Variants in PAK5 observed in about 807,000 individuals in gnomAD.
PAK5 encodes the protein serine/threonine-protein kinase PAK 5.
In PAK5, 16 loss-of-function variants were observed where a neutral mutation model predicts 65.9. That is an observed-to-expected ratio of 0.24 (90% CI 0.16 to 0.37). The LOEUF (loss-of-function observed/expected upper bound fraction) is 0.37, where lower values mean the gene tolerates loss of function less well. Ranked by LOEUF, PAK5 falls within the 10% of genes least tolerant of loss-of-function variation. The pLI is 1.00. For missense variants in PAK5, 785 were observed against 903.9 expected, an observed-to-expected ratio of 0.87 and a Z score of 1.69; for synonymous variants, 371 against 354.9, an observed-to-expected ratio of 1.05 and a Z score of -0.51.
At chr20:9,805,792 A>C (rs934299872) in intron 1 of PAK5, among the ~76,000 whole-genome samples, 2 of 152,176 alleles carry the variant, frequency 1.3e-5, no homozygotes, top group African/African-American at 4.8e-5. Flanking sequence ...GATTATAGAA[A>C]ATGTTCTAAA....
chr20:9,540,813 T>A (rs1355963034), intron 9 of PAK5, among the ~76,000 whole-genome samples: 1 of 151,740 alleles, frequency 6.6e-6, no homozygotes. Context: ...CTGGGCTCAC[T>A]GCAAGCTCTG....
rs114452440 is a variant in PAK5, at chr20:9,658,523, G to A, written c.-11-14184C>T. ...AAACAATGAAAGCTATAAGACCAACGCAGATTCAATGGGTGGGGAAATTAG... is the reference window on the plus strand; with the variant it reads ...AAACAATGAAAGCTATAAGACCAACACAGATTCAATGGGTGGGGAAATTAG... On this transcript the variant is annotated intron_variant, in intron 2 of 9. Coordinates refer to ENST00000353224, the MANE Select transcript of PAK5 (RefSeq NM_177990.4). 7.4e-3 allele frequency among the ~76,000 whole-genome samples: 1,134 copies of A among 152,252 alleles called. 16 individuals are homozygous for A. Among genetic ancestry groups the A allele is most frequent in the African/African-American group, 0.025 (1,036 of 41,546 alleles).
intron 1 of PAK5, among the ~76,000 whole-genome samples, chr20:9,822,290 C>CAAAAAAA (rs34256527): frequency 8.6e-6 from 1 of 116,716 alleles, no homozygotes. Flanking sequence ...AGATCTGTCT[C>CAAAAAAA]AAAAAAAAAA....
chr20:9,824,534 T>C, intron 1 of PAK5, among the ~76,000 whole-genome samples: 1 of 152,138 alleles, frequency 6.6e-6, no homozygotes, highest in Non-Finnish European at 1.5e-5. Context: ...AACTTGAGGG[T>C]CTTTGCAGGA....
chr20:9,775,080 G>T (rs1225583726), intron 1 of PAK5, among the ~76,000 whole-genome samples: 1 of 152,180 alleles, frequency 6.6e-6, no homozygotes, highest in Non-Finnish European at 1.5e-5. Flanking sequence ...GATGACAAAA[G>T]TCAGATCAGT....
intron 1 of PAK5, among the ~76,000 whole-genome samples, chr20:9,774,431 G>T (rs923448948): frequency 1.3e-5 from 2 of 152,168 alleles, no homozygotes; most frequent in Non-Finnish European, 2.9e-5. Context: ...GCTGATGGGA[G>T]TATAAAAATA....
At chr20:9,722,251 G>A (rs1215811211) in intron 1 of PAK5, among the ~76,000 whole-genome samples, 1 of 152,110 alleles carries the variant, frequency 6.6e-6, no homozygotes, top group Non-Finnish European at 1.5e-5. Context: ...CAAATGTCCT[G>A]AGGTTATCAA....
At chr20:9,701,914 T>C (rs13038104) in intron 2 of PAK5, among the ~76,000 whole-genome samples, 19,197 of 152,012 alleles carry the variant, frequency 0.13, 1,632 homozygotes, top group Non-Finnish European at 0.18. Context: ...ATAGGAGGAC[T>C]GCTTGAGCCC....
intron 1 of PAK5, among the ~76,000 whole-genome samples, chr20:9,746,900 G>T (rs1432903768): frequency 6.6e-6 from 1 of 152,198 alleles, no homozygotes; most frequent in African/African-American, 2.4e-5. Flanking sequence ...CCAGGAGCTG[G>T]TTTTTTGAAA....
rs2045911849 is a variant in PAK5, at chr20:9,577,770, A to G, written c.990+2375T>C. 3 of 152,352 alleles carry G rather than the reference A, an allele frequency of 2.0e-5. No homozygotes were observed. The South Asian group carries it at 6.2e-4, about 32-fold the overall frequency. 9.4% of individuals were successfully genotyped at this position (152,352 alleles called of 1,614,324 possible). On this transcript the variant is annotated intron_variant, in intron 4 of 9. Coordinates refer to ENST00000353224, the MANE Select transcript of PAK5 (RefSeq NM_177990.4). The stretch of plus-strand genomic sequence containing the variant: ...ACGAGTTTCCTGTGAAACATGGAGC[A>G]GCAGCTTGCTTCTTTGTATTTCTGA...
chr20:9,640,452 A>C (rs984872297), intron 3 of PAK5, among the ~76,000 whole-genome samples: 2 of 151,992 alleles, frequency 1.3e-5, no homozygotes, highest in Non-Finnish European at 2.9e-5. Context: ...TTCTTGATCC[A>C]GTCTATCATT....
intron 3 of PAK5, among the ~76,000 whole-genome samples, chr20:9,627,504 C>T (rs1306486045): frequency 6.6e-6 from 1 of 152,208 alleles, no homozygotes; most frequent in African/African-American, 2.4e-5. Flanking sequence ...AGCACTGCAG[C>T]AGCCTGCAGG....
At position 9,580,800 on chromosome 20, in the gene PAK5, G is replaced by T; in HGVS notation, c.335C>A (p.Ala112Asp). The T allele has an allele frequency of 6.2e-7, 1 of 1,613,956 alleles. No individual in the cohort carries two copies. Among genetic ancestry groups the T allele is most frequent in the South Asian group, 1.1e-5 (1 of 91,060 alleles). Residue 112 changes from alanine (A) to aspartate (D), a missense_variant, in exon 4 of 10, where the codon GCC becomes GAC. Ala to Asp is a moderately radical substitution (Grantham distance 126). Around this residue, in one of 4 missense-constraint regions of PAK5, gnomAD observed 422 missense variants for 413.3 expected, o/e 1.02. Coordinates refer to ENST00000353224, the MANE Select transcript of PAK5 (RefSeq NM_177990.4). ...KESPPTPDQGASSHGPGHAEE... is the reference protein window; with the variant it reads ...KESPPTPDQGDSSHGPGHAEE... ...CGCGTGGCCTGGACCGTGGCTGGAG[G>T]CTCCCTGATCTGGGGTGGGTGGGCT...
At chr20:9,739,132 T>A (rs1215077021) in intron 1 of PAK5, among the ~76,000 whole-genome samples, 2 of 152,194 alleles carry the variant, frequency 1.3e-5, no homozygotes, top group African/African-American at 4.8e-5. Context: ...CAATACTCTG[T>A]AATATATGCA....
intron 2 of PAK5, among the ~76,000 whole-genome samples, chr20:9,659,709 A>G (rs908127364): frequency 4.6e-5 from 7 of 152,188 alleles, no homozygotes; most frequent in Admixed American, 6.5e-5. Flanking sequence ...TTGTAGTACA[A>G]TTTTAGATAA....
chr20:9,701,510 T>C (rs2047939259), intron 2 of PAK5, among the ~76,000 whole-genome samples: 1 of 152,180 alleles, frequency 6.6e-6, no homozygotes, highest in Admixed American at 6.6e-5. Flanking sequence ...CCCCTCTGAT[T>C]CATTCAATTA....
At chr20:9,550,866 G>A (rs2045416747) in intron 7 of PAK5, among the ~76,000 whole-genome samples, 1 of 151,976 alleles carries the variant, frequency 6.6e-6, no homozygotes, top group African/African-American at 2.4e-5. Context: ...TAAGAAACCT[G>A]AATGGTTAAG....
At chr20:9,555,244 A>C (rs553303204) in intron 7 of PAK5, among the ~76,000 whole-genome samples, 1 of 152,300 alleles carries the variant, frequency 6.6e-6, no homozygotes, top group Non-Finnish European at 1.5e-5. Context: ...AAGCATCTAC[A>C]ATGTGTCTAT....
At chr20:9,628,278 C>G (rs1469918724) in intron 3 of PAK5, among the ~76,000 whole-genome samples, 1 of 152,146 alleles carries the variant, frequency 6.6e-6, no homozygotes, top group Non-Finnish European at 1.5e-5. Context: ...GTAACTTGCA[C>G]TAGGTCATAT....
Sources: allele counts gnomAD v4.1 joint callset (sites outside exome capture counted in the v4.1 genomes callset), GRCh38; gene constraint gnomAD v4.1.1; regional missense constraint gnomAD v4.1.1; transcripts MANE v1.5; gene names NCBI Gene and HGNC (gene_info 2026-07-23, HGNC 2026-07-21).